Variants in SNX7 observed in about 807,000 individuals in gnomAD.
The protein encoded by SNX7 is sorting nexin-7.
SNX7 carries 35 observed loss-of-function variants against 48.4 expected under a neutral mutation model. The observed-to-expected ratio is 0.72, with a 90% CI of 0.55 to 0.96. SNX7 has a LOEUF of 0.96. Among genes scored for constraint, SNX7 ranks in the 40% least tolerant of loss-of-function variants. The pLI, the probability that SNX7 is intolerant of heterozygous loss-of-function variation, is 0.00. For synonymous variants in SNX7, 190 were observed against 190.2 expected, an observed-to-expected ratio of 1.00 and a Z score of 0.01; for missense variants, 553 against 548.9, an observed-to-expected ratio of 1.01 and a Z score of -0.07.
chr1:98,698,747 C>T lies in SNX7; in HGVS notation c.880C>T (p.Leu294=). 1.9e-6 allele frequency: 3 copies of T among 1,610,184 alleles called. No homozygotes were observed. Among genetic ancestry groups the T allele is most frequent in the Non-Finnish European group, 2.5e-6 (3 of 1,178,488 alleles). Residue 294 remains leucine, a synonymous_variant, in exon 6 of 9, where the codon CTG becomes TTG. Transcript: ENST00000306121. ...GAAAGAATATGGCCCAATTCATATT[C>T]TGTGGTCAGCGTCAGAAGAGGATCT... ...EMKEYGPIHI[L]WSASEEDLVD...
At chr1:98,708,879 T>C (rs1652153820) in intron 7 of SNX7, among the ~76,000 whole-genome samples, 1 of 152,192 alleles carries the variant, frequency 6.6e-6, no homozygotes, top group African/African-American at 2.4e-5. Context: ...GAGCCTGAGA[T>C]CTCTGGTTGG....
chr1:98,743,227 G>A (rs1570600977), intron 8 of SNX7, among the ~76,000 whole-genome samples: 1 of 151,898 alleles, frequency 6.6e-6, no homozygotes, highest in East Asian at 1.9e-4. Context: ...GCGTGGCATG[G>A]GGAGAGGTGA....
intron 7 of SNX7, among the ~76,000 whole-genome samples, chr1:98,707,066 A>T (rs941886294): frequency 1.3e-5 from 2 of 152,204 alleles, no homozygotes; most frequent in Non-Finnish European, 2.9e-5. Flanking sequence ...TGTCAAGGTC[A>T]TTAAAGTATG....
rs1210878396 is a variant in SNX7, at chr1:98,695,602, G to C, written c.724G>C (p.Gly242Arg). 6.2e-7 allele frequency: 1 copy of C among 1,614,064 alleles called. No individual in the cohort carries two copies. The highest frequency in any genetic ancestry group is 8.5e-7 in the Non-Finnish European group (1 of 1,180,002). Residue 242 changes from glycine to arginine, a missense_variant, in exon 5 of 9, where the codon GGA (glycine) becomes CGA (arginine). Physicochemically the swap from Gly to Arg is moderately radical, Grantham distance 125. Coordinates refer to ENST00000306121, the MANE Select transcript of SNX7 (RefSeq NM_015976.5). ...CAGAGCTGTTGCGTCCTCAATGAGA[G>C]GAGTTAAAAACCGCCCAGAGGAGTT... ...TVRAVASSMR[G>R]VKNRPEEFME...
At chr1:98,665,292 A>G (rs959819057) in intron 1 of SNX7, among the ~76,000 whole-genome samples, 1 of 152,198 alleles carries the variant, frequency 6.6e-6, no homozygotes, top group Non-Finnish European at 1.5e-5. Context: ...AAATGCAATA[A>G]TGGTTCCCTG....
intron 7 of SNX7, among the ~76,000 whole-genome samples, chr1:98,712,206 G>A (rs1252418217): frequency 2.0e-5 from 3 of 151,856 alleles, no homozygotes; most frequent in African/African-American, 4.8e-5. Flanking sequence ...TAATATTTTG[G>A]TCTGTTCCCA....
At chr1:98,704,853 G>T (rs558994200) in intron 7 of SNX7, among the ~76,000 whole-genome samples, 229 of 152,290 alleles carry the variant, frequency 1.5e-3, no homozygotes, top group African/African-American at 5.3e-3. Context: ...TAATGAAAAG[G>T]TCAGTGAAAT....
intron 7 of SNX7, among the ~76,000 whole-genome samples, chr1:98,717,378 A>G (rs2101000444): frequency 6.6e-6 from 1 of 152,276 alleles, no homozygotes; most frequent in Middle Eastern, 3.4e-3. Flanking sequence ...GAATTACTTG[A>G]ACAACATTGC....
chr1:98,741,323 T>C (rs551207630), intron 8 of SNX7, among the ~76,000 whole-genome samples: 1 of 152,254 alleles, frequency 6.6e-6, no homozygotes, highest in Admixed American at 6.5e-5. Context: ...TATAAATACA[T>C]GGTATGGGTC....
At chr1:98,701,289 T>A (rs1651734472) in intron 6 of SNX7, among the ~76,000 whole-genome samples, 1 of 152,180 alleles carries the variant, frequency 6.6e-6, no homozygotes, top group African/African-American at 2.4e-5. Flanking sequence ...TTTTATATTT[T>A]GAGCTAAAAT....
rs1181906003 is a variant in SNX7, at chr1:98,726,458, G to A, written c.1126-11779G>A. 3.3e-5 allele frequency among the ~76,000 whole-genome samples: 5 copies of A among 152,258 alleles called. No individual in the cohort carries two copies. The East Asian group carries it at 7.7e-4, about 24-fold the overall frequency. On this transcript the variant is annotated intron_variant, in intron 7 of 8. Transcript: ENST00000306121. ...CAGGTGTTGCATCCTCTTCATAACA[G>A]GTACATGTCTTTCTCACCACATGTA... is the stretch of plus-strand genomic sequence containing the variant.
chr1:98,754,078 C>G (rs998660058), intron 8 of SNX7, among the ~76,000 whole-genome samples: 1 of 151,710 alleles, frequency 6.6e-6, no homozygotes. Context: ...TCCTAATTTG[C>G]TGAGAAATTT....
chr1:98,729,857 T>G (rs1216480466), intron 7 of SNX7, among the ~76,000 whole-genome samples: 2 of 152,188 alleles, frequency 1.3e-5, no homozygotes, highest in African/African-American at 4.8e-5. Context: ...CCATTTTTAC[T>G]GAAACTATTC....
Position 98,677,606 on chromosome 1 carries a change from G to T in SNX7, c.181-7279G>T, listed in dbSNP as rs115621479. ...AGAAATAGAGGTATATAGGCCAGGGGCAGTGACTCATGCCTGTAATCCCAG... is the reference window on the plus strand; with the variant it reads ...AGAAATAGAGGTATATAGGCCAGGGTCAGTGACTCATGCCTGTAATCCCAG... On this transcript the variant is annotated intron_variant, in intron 1 of 8. Transcript: ENST00000306121. Among the ~76,000 whole-genome samples the T allele has an allele frequency of 6.9e-3, 1,053 of 152,256 alleles. 11 individuals carry two copies. Among genetic ancestry groups the T allele is most frequent in the African/African-American group, 0.024 (1,002 of 41,544 alleles).
intron 7 of SNX7, among the ~76,000 whole-genome samples, chr1:98,721,529 A>C (rs1027262667): frequency 6.6e-6 from 1 of 152,132 alleles, no homozygotes; most frequent in Non-Finnish European, 1.5e-5. Flanking sequence ...AAGTTTCAAA[A>C]TAAGTCACTT....
chr1:98,695,772 C>A, intron 5 of SNX7, 56 bp downstream of exon 5: 1 of 1,256,570 alleles, frequency 8.0e-7, no homozygotes, highest in Non-Finnish European at 1.2e-6. Flanking sequence ...GATGAATCTT[C>A]ACATTTGTTG....
At chr1:98,679,224 T>C (rs1650341650) in intron 1 of SNX7, among the ~76,000 whole-genome samples, 1 of 152,106 alleles carries the variant, frequency 6.6e-6, no homozygotes, top group South Asian at 2.1e-4. Context: ...GCAGGGAAAC[T>C]CCCATTTTTA....
At chr1:98,716,454 C>G (rs1156520517) in intron 7 of SNX7, among the ~76,000 whole-genome samples, 1 of 152,084 alleles carries the variant, frequency 6.6e-6, no homozygotes, top group African/African-American at 2.4e-5. Context: ...ACCTTTAGAG[C>G]TGAGTTGTTC....
intron 8 of SNX7, among the ~76,000 whole-genome samples, chr1:98,747,723 C>T (rs11166098): frequency 0.21 from 32,652 of 151,996 alleles, 3,821 homozygotes; most frequent in East Asian, 0.31. Context: ...ATGTAAAACA[C>T]AGTCAATGGT....
Sources: gnomAD v4.1 joint callset for allele counts (sites outside exome capture counted in the v4.1 genomes callset) on GRCh38, gnomAD v4.1.1 for gene constraint, MANE v1.5 for transcripts, NCBI Gene and HGNC (gene_info 2026-07-23, HGNC 2026-07-21) for gene names.